Variants in WWOX observed in about 807,000 individuals in gnomAD.
The protein encoded by WWOX is WW domain-containing oxidoreductase.
In WWOX, 69 loss-of-function variants were observed where a neutral mutation model predicts 46.2. The ratio of observed to expected loss-of-function variants is 1.49; its 90% confidence interval spans 1.23 to 1.82. WWOX has a LOEUF of 1.82. Among genes scored for constraint, WWOX ranks in the 40% most tolerant of loss-of-function variants. WWOX has a pLI of 0.00. For missense variants in WWOX, 919 were observed against 542.6 expected (o/e 1.69, Z -6.89); for synonymous variants, 359 against 202.6 (o/e 1.77, Z -6.56).
intron 8 of WWOX, among the ~76,000 whole-genome samples, chr16:78,987,565 G>A (rs2046806136): frequency 6.6e-6 from 1 of 152,070 alleles, no homozygotes; most frequent in Admixed American, 6.6e-5. Flanking sequence ...TAAAATATGT[G>A]GGTTGAGAAA....
intron 8 of WWOX, chr16:78,896,212 C>T (rs2151234944): frequency 6.6e-6 from 1 of 150,776 alleles, no homozygotes; most frequent in Admixed American, 6.6e-5. Context: ...CCGGAATGCA[C>T]TTACCCATTT....
At chr16:78,758,162 A>G (rs942709662) in intron 8 of WWOX, among the ~76,000 whole-genome samples, 2 of 152,216 alleles carry the variant, frequency 1.3e-5, no homozygotes, top group African/African-American at 2.4e-5. Context: ...TTCTATTTCC[A>G]TCGTAAAGGG....
chr16:79,013,514 C>G (rs748635420), intron 8 of WWOX, among the ~76,000 whole-genome samples: 5 of 152,166 alleles, frequency 3.3e-5, no homozygotes, highest in Non-Finnish European at 5.9e-5. Context: ...ACTCAAAGCT[C>G]AGGCGTGTGC....
intron 8 of WWOX, among the ~76,000 whole-genome samples, chr16:79,159,132 G>T (rs13334444): frequency 0.2 from 30,709 of 152,020 alleles, 6,967 homozygotes; most frequent in African/African-American, 0.56. Context: ...AAGTAAATAT[G>T]CCTTAAAAGT....
At chr16:78,269,510 G>A (rs749703902) in intron 5 of WWOX, among the ~76,000 whole-genome samples, 2 of 152,168 alleles carry the variant, frequency 1.3e-5, no homozygotes, top group Non-Finnish European at 2.9e-5. Context: ...GACACAGGGA[G>A]CGAAATCAAG....
chr16:78,481,750 T>C (rs1198063306), intron 8 of WWOX, among the ~76,000 whole-genome samples: 1 of 149,250 alleles, frequency 6.7e-6, no homozygotes, highest in African/African-American at 2.5e-5. Context: ...TGTGTGTGTG[T>C]GTGTGTGTGT....
At chr16:78,214,355 G>C (rs1012447937) in intron 5 of WWOX, among the ~76,000 whole-genome samples, 18 of 152,086 alleles carry the variant, frequency 1.2e-4, no homozygotes, top group African/African-American at 4.3e-4. Context: ...GTTTGTAATT[G>C]TTCCTACCTC....
chr16:79,167,789 C>G (rs1020251005), intron 8 of WWOX, among the ~76,000 whole-genome samples: 1 of 152,164 alleles, frequency 6.6e-6, no homozygotes, highest in Non-Finnish European at 1.5e-5. Flanking sequence ...TTAAAGTGTA[C>G]ACTTCAGTGG....
chr16:79,151,607 G>T (rs2050280690), intron 8 of WWOX, among the ~76,000 whole-genome samples: 1 of 152,228 alleles, frequency 6.6e-6, no homozygotes, highest in African/African-American at 2.4e-5. Context: ...TGGGCTGCAT[G>T]CCTTTCTCAG....
chr16:78,825,905 A>G (rs1567586772), intron 8 of WWOX: 1 of 708,638 alleles, frequency 1.4e-6, no homozygotes, highest in African/African-American at 1.8e-5. Context: ...CGTGAGCATC[A>G]TGGAACCCAA....
chr16:78,146,363 A>G (rs894435442), intron 4 of WWOX, among the ~76,000 whole-genome samples: 2 of 152,086 alleles, frequency 1.3e-5, no homozygotes, highest in African/African-American at 4.8e-5. Flanking sequence ...CACATTACCT[A>G]TGTTGGGGAT....
chr16:78,244,984 T>G (rs1173959753), intron 5 of WWOX, among the ~76,000 whole-genome samples: 1 of 152,220 alleles, frequency 6.6e-6, no homozygotes, highest in East Asian at 1.9e-4. Context: ...ATTCTTACAG[T>G]AGTTTCAAAT....
intron 8 of WWOX, among the ~76,000 whole-genome samples, chr16:78,688,683 G>A (rs780464749): frequency 1.3e-5 from 2 of 152,126 alleles, no homozygotes; most frequent in Non-Finnish European, 1.5e-5. Flanking sequence ...ACAACTTGGG[G>A]AAGGGGCAAG....
At chr16:78,157,941 A>G (rs2034661216) in intron 4 of WWOX, among the ~76,000 whole-genome samples, 1 of 152,220 alleles carries the variant, frequency 6.6e-6, no homozygotes, top group South Asian at 2.1e-4. Context: ...ACCTACTATG[A>G]TTATGTTAGG....
chr16:78,401,753 G>A (rs2082418903), intron 6 of WWOX, among the ~76,000 whole-genome samples: 1 of 152,042 alleles, frequency 6.6e-6, no homozygotes, highest in African/African-American at 2.4e-5. Flanking sequence ...AGGCTGGAGT[G>A]TGATGGTGTG....
chr16:78,963,449 C>T (rs1300167042), intron 8 of WWOX, among the ~76,000 whole-genome samples: 1 of 152,140 alleles, frequency 6.6e-6, no homozygotes, highest in East Asian at 1.9e-4. Context: ...ACTTGGGCGA[C>T]AGAGTAATAC....
At chr16:79,106,861 G>C (rs943352028) in intron 8 of WWOX, 1 of 141,410 alleles carries the variant, frequency 7.1e-6, no homozygotes, top group Non-Finnish European at 1.5e-5. Context: ...AGGCTGGAGT[G>C]AAGTGGCACC....
chr16:78,168,738 A>G (rs775783580), intron 5 of WWOX, among the ~76,000 whole-genome samples: 1 of 152,192 alleles, frequency 6.6e-6, no homozygotes, highest in Non-Finnish European at 1.5e-5. Context: ...GTCTCTTTAT[A>G]TTCAAGATAT....
At chr16:78,196,689 A>T (rs1232065995) in intron 5 of WWOX, among the ~76,000 whole-genome samples, 1 of 152,180 alleles carries the variant, frequency 6.6e-6, no homozygotes, top group Admixed American at 6.5e-5. Flanking sequence ...TTGCAATGTC[A>T]AATAATAGCA....
Sources: allele counts gnomAD v4.1 joint callset (sites outside exome capture counted in the v4.1 genomes callset), GRCh38; gene constraint gnomAD v4.1.1; transcripts MANE v1.5; gene names NCBI Gene and HGNC (gene_info 2026-07-23, HGNC 2026-07-21).